SP100: variants seen among roughly 807,000 people sequenced by gnomAD.
SP100 encodes SP100 nuclear body protein, also known as nuclear autoantigen Sp-100.
In SP100, 84 loss-of-function variants were observed where a neutral mutation model predicts 130.0. That is an observed-to-expected ratio of 0.65 (90% CI 0.54 to 0.77). SP100 has a LOEUF of 0.77. Among genes scored for constraint, SP100 ranks in the 30% least tolerant of loss-of-function variants. The probability of loss-of-function intolerance (pLI) is 0.00; values close to 1 mark genes in which losing one functional copy is unlikely to be tolerated. For missense variants in SP100, 978 were observed against 1,052.2 expected, an observed-to-expected ratio of 0.93 and a Z score of 0.97; for synonymous variants, 331 against 351.7, an observed-to-expected ratio of 0.94 and a Z score of 0.66.
At chr2:230,485,678 T>C (rs1406841533) in intron 17 of SP100, among the ~76,000 whole-genome samples, 1 of 152,220 alleles carries the variant, frequency 6.6e-6, no homozygotes, top group Admixed American at 6.5e-5. Context: ...TTTGCCTATA[T>C]ATTTATTTTC....
chr2:230,519,873 T>G (rs1461222552), intron 24 of SP100, among the ~76,000 whole-genome samples: 1 of 152,182 alleles, frequency 6.6e-6, no homozygotes, highest in African/African-American at 2.4e-5. Flanking sequence ...CATCCCGGGT[T>G]ACATGGGTCC....
intron 20 of SP100, 66 bp downstream of exon 20, chr2:230,503,176 A>G (rs968797477): frequency 2.5e-6 from 3 of 1,203,806 alleles, no homozygotes; most frequent in African/African-American, 3.1e-5. Flanking sequence ...CTGTACTGTG[A>G]GTAACAAGTC....
At chr2:230,436,423 C>A (rs1308756659) in intron 2 of SP100, among the ~76,000 whole-genome samples, 1 of 151,960 alleles carries the variant, frequency 6.6e-6, no homozygotes, top group Non-Finnish European at 1.5e-5. Context: ...AATCATGGGG[C>A]AATTTCACCC....
At chr2:230,513,603 T>C (rs544681309) in intron 24 of SP100, among the ~76,000 whole-genome samples, 186 of 152,170 alleles carry the variant, frequency 1.2e-3, no homozygotes, top group Non-Finnish European at 2.2e-3. Flanking sequence ...TCCTTGTCAA[T>C]GGGAAGGCTT....
rs571978811 is a variant in SP100 at position 230,503,955 on chromosome 2, C to G, written c.1766-231C>G. Among the ~76,000 whole-genome samples, 3 of 152,242 alleles carry G rather than the reference C, an allele frequency of 2.0e-5. No individual in the cohort carries two copies. The South Asian group carries it at 6.2e-4, about 32-fold the overall frequency. ...GACCAACCAGCTTGAAAGTTGAGATCCTACCACATGCCAGGATGTTGTGTC... is the reference window on the plus strand; with the variant it reads ...GACCAACCAGCTTGAAAGTTGAGATGCTACCACATGCCAGGATGTTGTGTC... On this transcript the variant is annotated intron_variant, in intron 20 of 28. Coordinates refer to ENST00000340126, the MANE Select transcript of SP100 (RefSeq NM_001080391.2).
rs147210577 is a variant in SP100 at position 230,498,648 on chromosome 2, T to C, written c.1720+113T>C. On this transcript the variant is annotated intron_variant, in intron 19 of 28. Coordinates refer to ENST00000340126, the MANE Select transcript of SP100 (RefSeq NM_001080391.2). ...TAGCTGTACTTACTGTTGAGAAATA[T>C]ATCAGATGTAGTCAAGTTCCAAAAT... The C allele has an allele frequency of 1.6e-3, 845 of 515,500 alleles. 9 individuals carry two copies. The East Asian group carries it at 0.02, about 12-fold the overall frequency. 31.9% of individuals were successfully genotyped at this position (515,500 alleles called of 1,614,324 possible).
chr2:230,525,113 A>G (rs1426406460), intron 24 of SP100, among the ~76,000 whole-genome samples: 5 of 152,182 alleles, frequency 3.3e-5, no homozygotes, highest in African/African-American at 1.2e-4. Context: ...TTGTATGAGA[A>G]AGGATTTTGT....
chr2:230,501,168 G>A (rs1222296864), intron 19 of SP100, among the ~76,000 whole-genome samples: 1 of 152,140 alleles, frequency 6.6e-6, no homozygotes, highest in Non-Finnish European at 1.5e-5. Flanking sequence ...CTTGAACCTG[G>A]GAGGTGGAGG....
At chr2:230,512,402 G>T (rs780506996) in intron 24 of SP100, among the ~76,000 whole-genome samples, 1 of 140,916 alleles carries the variant, frequency 7.1e-6, no homozygotes, top group African/African-American at 2.6e-5. Flanking sequence ...CAATTCTCCT[G>T]CCTCAGCCTC....
intron 18 of SP100, among the ~76,000 whole-genome samples, chr2:230,498,178 A>G (rs1369234053): frequency 1.3e-5 from 2 of 152,196 alleles, no homozygotes; most frequent in Non-Finnish European, 2.9e-5. Flanking sequence ...TTATTCTTAC[A>G]GTATTCTTTG....
At chr2:230,508,783 C>G (rs537517054) in intron 23 of SP100, 1 of 152,092 alleles carries the variant, frequency 6.6e-6, no homozygotes, top group South Asian at 2.1e-4. Context: ...GCAAAAGTTC[C>G]CCTAGAAACA....
intron 2 of SP100, among the ~76,000 whole-genome samples, chr2:230,424,529 G>A (rs774186195): frequency 6.6e-6 from 1 of 152,000 alleles, no homozygotes; most frequent in Non-Finnish European, 1.5e-5. Flanking sequence ...TTAGCTGGGC[G>A]TGGTGGCAGG....
chr2:230,475,307 T>C (rs1205480733), intron 17 of SP100, among the ~76,000 whole-genome samples: 3 of 152,248 alleles, frequency 2.0e-5, no homozygotes, highest in Admixed American at 6.5e-5. Context: ...TGGGCATTTT[T>C]TTCATGTTTG....
At chr2:230,460,594 T>TGATCAAAGTGATTTACTTCC (rs1559500305) in intron 8 of SP100, among the ~76,000 whole-genome samples, 4 of 7,408 alleles carry the variant, frequency 5.4e-4, no homozygotes, top group Non-Finnish European at 1.2e-3. Context: ...ATCTGTTTCT[T>TGATCAAAGTGATTTACTTCC]TTTTTTTTTT....
At chr2:230,446,612 G>A (rs995918165) in intron 4 of SP100, among the ~76,000 whole-genome samples, 1 of 152,156 alleles carries the variant, frequency 6.6e-6, no homozygotes, top group Non-Finnish European at 1.5e-5. Context: ...AATCTTGAAT[G>A]TCTCCTTTTT....
At chr2:230,419,296 G>A (rs2062703267) in intron 2 of SP100, among the ~76,000 whole-genome samples, 2 of 152,312 alleles carry the variant, frequency 1.3e-5, no homozygotes, top group African/African-American at 2.4e-5. Flanking sequence ...TCTGAGGAGT[G>A]TGATGAAATC....
chr2:230,469,855 C>A, intron 14 of SP100, 160 bp from the exon 15 acceptor site: 1 of 1,508,612 alleles, frequency 6.6e-7, no homozygotes, highest in Non-Finnish European at 8.9e-7. Context: ...CAATCTTGAC[C>A]AACAGGTCAG....
intron 15 of SP100, chr2:230,470,299 T>C (rs1424853217): frequency 1.4e-5 from 18 of 1,279,100 alleles, no homozygotes; most frequent in Non-Finnish European, 1.7e-5. Context: ...AGAGTTTCAC[T>C]GACTAAATGT....
At chr2:230,419,191 T>C (rs918488591) in intron 2 of SP100, among the ~76,000 whole-genome samples, 1 of 152,220 alleles carries the variant, frequency 6.6e-6, no homozygotes, top group African/African-American at 2.4e-5. Context: ...CAGTTTTACT[T>C]TCTGAGATTT....
Sources: gnomAD v4.1 joint callset for allele counts (sites outside exome capture counted in the v4.1 genomes callset) on GRCh38, gnomAD v4.1.1 for gene constraint, MANE v1.5 for transcripts, NCBI Gene and HGNC (gene_info 2026-07-23, HGNC 2026-07-21) for gene names.